Variants in GLB1 observed in about 807,000 individuals in gnomAD.
GLB1 encodes galactosidase beta 1.
GLB1 carries 56 observed loss-of-function variants against 74.0 expected under a neutral mutation model. That is an observed-to-expected ratio of 0.76 (90% CI 0.61 to 0.94). GLB1 has a LOEUF of 0.94. Ranked by LOEUF, GLB1 falls within the 40% of genes least tolerant of loss-of-function variation. GLB1 has a pLI of 0.00. For missense variants in GLB1, 787 were observed against 845.5 expected, an observed-to-expected ratio of 0.93 and a Z score of 0.86; for synonymous variants, 323 against 323.6, an observed-to-expected ratio of 1.00 and a Z score of 0.02.
intron 11 of GLB1, among the ~76,000 whole-genome samples, chr3:33,022,075 T>A (rs967266019): frequency 6.6e-6 from 1 of 152,174 alleles, no homozygotes; most frequent in Admixed American, 6.5e-5. Context: ...TATTATTATA[T>A]CACCTTAATA....
the GLB1 span, among the ~76,000 whole-genome samples, chr3:32,991,336 A>G: frequency 2.0e-5 from 3 of 152,334 alleles, no homozygotes; most frequent in Non-Finnish European, 4.4e-5. Context: ...GGGGCCTTGG[A>G]CCTCAATTCA....
chr3:32,976,339 G>A, the GLB1 span, among the ~76,000 whole-genome samples: 5 of 152,164 alleles, frequency 3.3e-5, no homozygotes, highest in Non-Finnish European at 7.3e-5. Context: ...GCTCAAGCTG[G>A]TGTGGGAAAC....
chr3:33,077,481 G>C (rs1324315959), intron 1 of GLB1: 1 of 709,784 alleles, frequency 1.4e-6, no homozygotes, highest in East Asian at 3.6e-5. Context: ...CAGTCAGGGG[G>C]TGTCTACTAA....
At chr3:33,008,082 A>C in intron 15 of GLB1, among the ~76,000 whole-genome samples, 1 of 151,968 alleles carries the variant, frequency 6.6e-6, no homozygotes, top group African/African-American at 2.4e-5. Flanking sequence ...TGGGTCAGTA[A>C]CTCTTGCGTG....
At chr3:33,058,292 G>A (rs779456366) in intron 5 of GLB1, 23 bp from the exon 6 acceptor site, 1 of 1,613,782 alleles carries the variant, frequency 6.2e-7, no homozygotes, top group East Asian at 2.2e-5. Flanking sequence ...AAAGAGCAGG[G>A]AAAAATGAGG....
Position 33,033,205 on chromosome 3 carries a change from G to A in GLB1, c.1069-8880C>T, listed in dbSNP as rs573706376. Among the ~76,000 whole-genome samples, 452 of 152,326 alleles carry A rather than the reference G, an allele frequency of 3.0e-3. 1 individual carries two copies. The highest frequency in any genetic ancestry group is 4.7e-3 in the Non-Finnish European group (323 of 68,028). On this transcript the variant is annotated intron_variant, in intron 10 of 15. Transcript: ENST00000307363. ...CCGGAAGTACATGGGTTGTGGAGAA[G>A]CAAGGTTTGAAATGTATGGGGCCAG... is the stretch of plus-strand genomic sequence containing the variant.
In GLB1 at chr3:33,053,473, C is replaced by T. The variant is rs202068250; in HGVS notation, c.792+18G>A. On this transcript the variant is annotated intron_variant, in intron 7 of 15. Transcript: ENST00000307363. ...TCTCTTAACAGCTGCAAACACACAC[C>T]TCACCCTCGATTCTTACCAAGGGTC... The T allele has an allele frequency of 7.4e-4, 1,191 of 1,614,184 alleles. 15 individuals carry two copies. The African/African-American group carries it at 0.014, about 19-fold the overall frequency.
At chr3:33,051,718 A>T in intron 9 of GLB1, 40 bp downstream of exon 9, 4 of 1,613,992 alleles carry the variant, frequency 2.5e-6, no homozygotes, top group Non-Finnish European at 3.4e-6. Flanking sequence ...CAACAGAAAC[A>T]TTCTAGCATA....
At chr3:33,019,407 G>A (rs1697377113) in intron 12 of GLB1, among the ~76,000 whole-genome samples, 1 of 152,158 alleles carries the variant, frequency 6.6e-6, no homozygotes, top group Non-Finnish European at 1.5e-5. Context: ...GACATTATTA[G>A]CAGGGCTGAG....
rs780634117 is a variant in GLB1, at chr3:33,018,539, C to T, written c.1256G>A (p.Arg419Gln). The T allele has an allele frequency of 4.3e-5, 69 of 1,613,764 alleles. No homozygotes were observed. Among genetic ancestry groups the T allele is most frequent in the Non-Finnish European group, 5.3e-5 (62 of 1,179,992 alleles). The change falls in exon 13 of 16, where the codon CGG (arginine) becomes CAG (glutamine). Residue 419 changes from arginine (R) to glutamine (Q), a missense_variant. Transcript: ENST00000307363. ...GCTGCAATCTTGAGGAAGTGTTGTC[C>T]GGTACAGCACAAACCCATAATGCTG... ...VKQHYGFVLY[R>Q]TTLPQDCSNP...
chr3:33,086,221 AC>A (rs1373512103), intron 1 of GLB1, among the ~76,000 whole-genome samples: 6 of 152,198 alleles, frequency 3.9e-5, no homozygotes, highest in Admixed American at 6.5e-5. Context: ...ACAATATTTC[AC>A]CCACCCAGAA....
At chr3:33,002,331 C>T (rs1483349834) in intron 15 of GLB1, among the ~76,000 whole-genome samples, 1 of 98,010 alleles carries the variant, frequency 1.0e-5, no homozygotes, top group East Asian at 3.2e-4. Flanking sequence ...AAGTCTCCCT[C>T]CCTCCCTCCC....
Position 33,033,080 on chromosome 3 carries a change from G to A in GLB1, c.1069-8755C>T, listed in dbSNP as rs539427984. Among the ~76,000 whole-genome samples the A allele has an allele frequency of 2.9e-4, 44 of 152,296 alleles. No individual in the cohort carries two copies. In the East Asian group the frequency reaches 5.8e-3, roughly 20 times the overall value. The stretch of plus-strand genomic sequence containing the variant: ...ACTGATATGATTCCTGGTTACTTCC[G>A]TGAGTAGGTAAGTTATGAATAATGG... On this transcript the variant is annotated intron_variant, in intron 10 of 15. Transcript: ENST00000307363.
Position 33,093,380 on chromosome 3 carries a change from G to C in GLB1, c.75+3631C>G. 1 of 1,614,230 alleles carries C rather than the reference G, an allele frequency of 6.2e-7. No individual in the cohort carries two copies. The highest frequency in any genetic ancestry group is 1.3e-5 in the African/African-American group (1 of 75,054). On this transcript the variant is annotated intron_variant, in intron 1 of 15. Coordinates refer to ENST00000307363, the MANE Select transcript of GLB1 (RefSeq NM_000404.4). This position sits in a 1 kb window ranked among gnomAD's most constrained non-coding sequence, Gnocchi z 6.0. Reference sequence around the variant, plus strand: ...AGTACTCATGATTGCCTGTGACGAAGTAGGCACCGAGATGTGAATGAAGCT... The same window carrying C: ...AGTACTCATGATTGCCTGTGACGAACTAGGCACCGAGATGTGAATGAAGCT...
chr3:33,006,062 T>A (rs924627917), intron 15 of GLB1, among the ~76,000 whole-genome samples: 1 of 152,192 alleles, frequency 6.6e-6, no homozygotes, highest in African/African-American at 2.4e-5. Flanking sequence ...GAAGGCTGCA[T>A]AGGATATTGA....
intron 1 of GLB1, chr3:33,090,609 C>G: frequency 4.1e-6 from 4 of 985,362 alleles, no homozygotes; most frequent in Non-Finnish European, 4.8e-6. Flanking sequence ...CCTCCCCCGG[C>G]CACAAACAAA....
chr3:33,076,267 A>G (rs1700100326), intron 1 of GLB1, among the ~76,000 whole-genome samples: 1 of 152,090 alleles, frequency 6.6e-6, no homozygotes, highest in Non-Finnish European at 1.5e-5. Context: ...GGCCTGGGGG[A>G]GGGAGGGCAG....
intron 1 of GLB1, among the ~76,000 whole-genome samples, chr3:33,087,882 C>CA (rs60230175): frequency 0.73 from 110,898 of 151,978 alleles, 40,800 homozygotes; most frequent in East Asian, 0.98. Context: ...AAACTGAATT[C>CA]AACAGTACAT....
At chr3:32,965,889 C>T in the GLB1 span, among the ~76,000 whole-genome samples, 1 of 152,242 alleles carries the variant, frequency 6.6e-6, no homozygotes, top group African/African-American at 2.4e-5. Context: ...AAGCCCCAAT[C>T]CTTGGCAGGT....
Sources: gnomAD v4.1 joint callset for allele counts (sites outside exome capture counted in the v4.1 genomes callset) on GRCh38, gnomAD v4.1.1 for gene constraint, Gnocchi (gnomAD v3.1) non-coding constraint, MANE v1.5 for transcripts, NCBI Gene and HGNC (gene_info 2026-07-23, HGNC 2026-07-21) for gene names.